The following DNAJC6 variants were observed in gnomAD, a reference collection of about 807,000 sequenced individuals.
DNAJC6 encodes the protein auxilin.
DNAJC6 carries 34 observed loss-of-function variants against 110.0 expected under a neutral mutation model. The observed-to-expected ratio is 0.31, with a 90% confidence interval of 0.24 to 0.41. The LOEUF (loss-of-function observed/expected upper bound fraction) is 0.41. Among genes scored for constraint, DNAJC6 ranks in the 10% least tolerant of loss-of-function variants. DNAJC6 has a pLI of 1.00. For synonymous variants in DNAJC6, 406 were observed against 437.2 expected, an observed-to-expected ratio of 0.93 and a Z score of 0.89; for missense variants, 1,031 against 1,207.8, an observed-to-expected ratio of 0.85 and a Z score of 2.17.
chr1:65,320,971 G>T (rs1212656097), intron 1 of DNAJC6, among the ~76,000 whole-genome samples: 2 of 151,630 alleles, frequency 1.3e-5, no homozygotes, highest in East Asian at 3.9e-4. Context: ...GGAGAAGGGG[G>T]ATAGCTTTGT....
chr1:65,283,574 T>C (rs781091965), intron 1 of DNAJC6, among the ~76,000 whole-genome samples: 10 of 152,196 alleles, frequency 6.6e-5, no homozygotes, highest in Non-Finnish European at 1.5e-4. Context: ...ATTTGGGTGG[T>C]TTCCAATTCT....
chr1:65,377,314 C>T (rs976958856), intron 4 of DNAJC6, among the ~76,000 whole-genome samples: 1 of 152,132 alleles, frequency 6.6e-6, no homozygotes, highest in Admixed American at 6.5e-5. Context: ...CCTCTGACAG[C>T]AAAATGTATC....
chr1:65,331,547 A>T (rs1183741852), intron 1 of DNAJC6, among the ~76,000 whole-genome samples: 1 of 152,216 alleles, frequency 6.6e-6, no homozygotes, highest in Admixed American at 6.5e-5. Context: ...CCACCTGTTT[A>T]TCTTAGTGCA....
At chr1:65,347,288 A>G (rs1353155040) in intron 1 of DNAJC6, among the ~76,000 whole-genome samples, 2 of 152,192 alleles carry the variant, frequency 1.3e-5, no homozygotes, top group Non-Finnish European at 2.9e-5. Context: ...TTTCTTCTCT[A>G]TCTTAATTTC....
At chr1:65,395,783 T>A (rs530352907) in intron 13 of DNAJC6, among the ~76,000 whole-genome samples, 24 of 152,360 alleles carry the variant, frequency 1.6e-4, no homozygotes, top group African/African-American at 5.8e-4. Context: ...TATATTTCTA[T>A]GTTAGAGACT....
At chr1:65,324,165 C>A (rs1295938863) in intron 1 of DNAJC6, among the ~76,000 whole-genome samples, 2 of 151,628 alleles carry the variant, frequency 1.3e-5, no homozygotes, top group Admixed American at 6.6e-5. Context: ...TAAGTTTTTT[C>A]TCTTTCTTTA....
At chr1:65,330,986 T>C (rs1645283923) in intron 1 of DNAJC6, among the ~76,000 whole-genome samples, 2 of 152,206 alleles carry the variant, frequency 1.3e-5, no homozygotes, top group African/African-American at 4.8e-5. Flanking sequence ...GCGTGTAAGT[T>C]GCAGTCTTAA....
rs967304210 is a variant in DNAJC6, at chr1:65,406,134, G to A, written c.2491+1G>A. The A allele has an allele frequency of 6.2e-7, 1 of 1,613,082 alleles. No individual in the cohort carries two copies. On this transcript the variant is annotated splice_donor_variant, in intron 16 of 18. Transcript: ENST00000371069. LOFTEE classifies it high-confidence loss of function. ...CGTGGGAAAGGATCAAGTAATTTGG[G>A]TAAGGATAATGGTATGGGACCTAGC...
intron 1 of DNAJC6, among the ~76,000 whole-genome samples, chr1:65,269,959 G>C (rs970552160): frequency 6.6e-6 from 1 of 152,186 alleles, no homozygotes; most frequent in Non-Finnish European, 1.5e-5. Context: ...TTTTGCTGAA[G>C]ATGTAGTAAA....
At chr1:65,265,013 C>T in intron 1 of DNAJC6, 3 of 1,343,544 alleles carry the variant, frequency 2.2e-6, no homozygotes, top group Non-Finnish European at 3.2e-6. Flanking sequence ...ACTCCACAGA[C>T]ATATTTAGTT....
chr1:65,361,105 A>G (rs1345238074), intron 1 of DNAJC6, among the ~76,000 whole-genome samples: 1 of 152,158 alleles, frequency 6.6e-6, no homozygotes, highest in African/African-American at 2.4e-5. Flanking sequence ...CCACTCGTTA[A>G]CTGGACTCTT....
At chr1:65,267,885 G>GGT (rs59260525) in intron 1 of DNAJC6, among the ~76,000 whole-genome samples, 3,239 of 149,340 alleles carry the variant, frequency 0.022, 79 homozygotes, top group African/African-American at 0.059. Context: ...GGTGTGAGGT[G>GGT]GTGTGTGTGT....
chr1:65,321,823 A>T (rs150189871), intron 1 of DNAJC6, among the ~76,000 whole-genome samples: 1 of 152,312 alleles, frequency 6.6e-6, no homozygotes, highest in Non-Finnish European at 1.5e-5. Context: ...TCAGAAGAGG[A>T]ATTGACATCT....
At chr1:65,324,366 TG>T (rs1003378470) in intron 1 of DNAJC6, among the ~76,000 whole-genome samples, 1 of 150,956 alleles carries the variant, frequency 6.6e-6, no homozygotes, top group African/African-American at 2.5e-5. Context: ...TGTTTTGTTT[TG>T]TTTTTTTTTT....
intron 1 of DNAJC6, among the ~76,000 whole-genome samples, chr1:65,277,745 G>A (rs1653717964): frequency 6.6e-6 from 1 of 152,210 alleles, no homozygotes; most frequent in African/African-American, 2.4e-5. Flanking sequence ...GCAGAACTAG[G>A]TGGTAAGGTG....
chr1:65,395,139 T>C, intron 13 of DNAJC6, 107 bp downstream of exon 13: 2 of 1,169,272 alleles, frequency 1.7e-6, no homozygotes, highest in Non-Finnish European at 2.3e-6. Flanking sequence ...GATAAAAGCT[T>C]CCTCACACAT....
chr1:65,345,803 C>A, intron 1 of DNAJC6: 1 of 415,482 alleles, frequency 2.4e-6, no homozygotes, highest in Non-Finnish European at 3.2e-6. Context: ...GCTACCATGT[C>A]TGGCCAACCA....
At chr1:65,271,748 T>C (rs908901919) in intron 1 of DNAJC6, among the ~76,000 whole-genome samples, 2 of 151,842 alleles carry the variant, frequency 1.3e-5, no homozygotes, top group Non-Finnish European at 2.9e-5. Flanking sequence ...TGTGTGCCTG[T>C]AATCCTAGCT....
At chr1:65,307,018 C>CTATATA (rs71056097), upstream of DNAJC6, among the ~76,000 whole-genome samples, 157 of 70,610 alleles carry the variant, frequency 2.2e-3, 2 homozygotes, top group Middle Eastern at 0.012. Flanking sequence ...CTCTCTCTCT[C>CTATATA]TATATATATA....
Sources: gnomAD v4.1 joint callset for allele counts (sites outside exome capture counted in the v4.1 genomes callset) on GRCh38, gnomAD v4.1.1 for gene constraint, MANE v1.5 for transcripts, NCBI Gene and HGNC (gene_info 2026-07-23, HGNC 2026-07-21) for gene names.